Variants in PPP1R16B observed in about 807,000 individuals in gnomAD.
PPP1R16B encodes the protein protein phosphatase 1 regulatory inhibitor subunit 16B.
Under a neutral mutation model 61.7 loss-of-function variants are expected in PPP1R16B, and 14 were observed. That is an observed-to-expected ratio of 0.23 (90% CI 0.15 to 0.35). The LOEUF (loss-of-function observed/expected upper bound fraction) is 0.35. Ranked by LOEUF, PPP1R16B falls within the 10% of genes least tolerant of loss-of-function variation. The probability of loss-of-function intolerance (pLI) is 1.00; values close to 1 mark genes in which losing one functional copy is unlikely to be tolerated. For synonymous variants in PPP1R16B, 266 were observed against 305.3 expected (o/e 0.87, Z 1.34); for missense variants, 547 against 752.5 (o/e 0.73, Z 3.19).
intron 2 of PPP1R16B, among the ~76,000 whole-genome samples, chr20:38,848,049 C>T (rs986093846): frequency 3.3e-5 from 5 of 152,096 alleles, no homozygotes; most frequent in Non-Finnish European, 7.4e-5. Context: ...CACAGCCATG[C>T]CCATTCATTT....
At chr20:38,897,619 A>G (rs927635196) in intron 4 of PPP1R16B, among the ~76,000 whole-genome samples, 3 of 152,260 alleles carry the variant, frequency 2.0e-5, no homozygotes, top group Non-Finnish European at 2.9e-5. Context: ...TTATACACCC[A>G]GAAGTGGAGT....
At chr20:38,813,757 T>TCAC (rs1218195503) in intron 1 of PPP1R16B, among the ~76,000 whole-genome samples, 1 of 130,462 alleles carries the variant, frequency 7.7e-6, no homozygotes, top group Non-Finnish European at 1.6e-5. Flanking sequence ...GGTGACATCA[T>TCAC]CATCATCATC....
chr20:38,871,580 GGAAC>G (rs994983661), intron 2 of PPP1R16B, among the ~76,000 whole-genome samples: 1 of 137,444 alleles, frequency 7.3e-6, no homozygotes, highest in African/African-American at 2.7e-5. Context: ...AAGGAAGAGA[GGAAC>G]GAAGGGAGGG....
chr20:38,913,323 C>G (rs1179759456), intron 10 of PPP1R16B, among the ~76,000 whole-genome samples: 3 of 151,908 alleles, frequency 2.0e-5, no homozygotes, highest in Non-Finnish European at 2.9e-5. Context: ...AGTGCAGTGG[C>G]TCAATCTTGG....
chr20:38,902,242 C>G (rs2085400183), intron 5 of PPP1R16B, among the ~76,000 whole-genome samples: 1 of 152,182 alleles, frequency 6.6e-6, no homozygotes. Context: ...GTGCCAGGTG[C>G]TACAGACACA....
intron 2 of PPP1R16B, among the ~76,000 whole-genome samples, chr20:38,864,994 G>A (rs767827452): frequency 3.3e-5 from 5 of 152,200 alleles, no homozygotes; most frequent in Non-Finnish European, 7.3e-5. Context: ...GAATCATGCC[G>A]GTGGCCTCGG....
chr20:38,887,052 GGTGT>G (rs374859620), intron 2 of PPP1R16B, among the ~76,000 whole-genome samples: 3 of 150,506 alleles, frequency 2.0e-5, no homozygotes, highest in South Asian at 2.1e-4. Context: ...GTGGGGCAAA[GGTGT>G]GTGTGTGTGT....
intron 2 of PPP1R16B, among the ~76,000 whole-genome samples, chr20:38,847,011 A>G (rs934865507): frequency 1.3e-5 from 2 of 152,184 alleles, no homozygotes; most frequent in African/African-American, 4.8e-5. Context: ...CCAAAAAACT[A>G]AATAAATAAA....
At chr20:38,829,477 G>A (rs955717159) in intron 1 of PPP1R16B, among the ~76,000 whole-genome samples, 16 of 152,294 alleles carry the variant, frequency 1.1e-4, no homozygotes, top group Admixed American at 7.8e-4. Flanking sequence ...TGGATTTTCC[G>A]ATGCTGGGCT....
chr20:38,873,146 CA>C (rs1291213449), intron 2 of PPP1R16B: 1 of 152,372 alleles, frequency 6.6e-6, no homozygotes, highest in African/African-American at 2.4e-5. Context: ...GCTCCCAGAA[CA>C]AGAAACAGAC....
intron 6 of PPP1R16B, 128 bp from the exon 7 acceptor site, chr20:38,905,841 T>A (rs2085436342): frequency 1.0e-6 from 1 of 961,258 alleles, no homozygotes; most frequent in Admixed American, 2.7e-5. Context: ...GACTGGTATT[T>A]CCATTTCATT....
intron 6 of PPP1R16B, among the ~76,000 whole-genome samples, chr20:38,905,315 A>G (rs6015981): frequency 0.36 from 55,088 of 151,872 alleles, 10,510 homozygotes; most frequent in Middle Eastern, 0.52. Context: ...TGGTACTGGA[A>G]GATCCACTTC....
intron 4 of PPP1R16B, among the ~76,000 whole-genome samples, chr20:38,897,224 G>A (rs1347903376): frequency 1.3e-5 from 2 of 152,216 alleles, no homozygotes; most frequent in African/African-American, 4.8e-5. Context: ...CTACTCAGGT[G>A]GTGGAGGCAG....
At chr20:38,845,151 T>C (rs1236334282) in intron 2 of PPP1R16B, among the ~76,000 whole-genome samples, 2 of 152,170 alleles carry the variant, frequency 1.3e-5, no homozygotes, top group African/African-American at 4.8e-5. Flanking sequence ...GCCTTTGATG[T>C]AGTGCAAGTC....
At chr20:38,912,420 A>C (rs1249928575) in intron 10 of PPP1R16B, among the ~76,000 whole-genome samples, 1 of 151,478 alleles carries the variant, frequency 6.6e-6, no homozygotes, top group Non-Finnish European at 1.5e-5. Context: ...GTAATCCCAA[A>C]ACTGAGGGAG....
chr20:38,824,438 A>G (rs560839049), intron 1 of PPP1R16B, among the ~76,000 whole-genome samples: 1 of 152,316 alleles, frequency 6.6e-6, no homozygotes, highest in South Asian at 2.1e-4. Context: ...AGATCTGTTA[A>G]AGATGGTTAT....
chr20:38,871,951 C>A (rs1484646968), intron 2 of PPP1R16B, among the ~76,000 whole-genome samples: 1 of 152,156 alleles, frequency 6.6e-6, no homozygotes, highest in Admixed American at 6.5e-5. Context: ...AACATTATTT[C>A]AATATGTATT....
At chr20:38,895,479 T>C in intron 3 of PPP1R16B, 86 bp from the exon 4 acceptor site, 1 of 1,453,364 alleles carries the variant, frequency 6.9e-7, no homozygotes, top group Non-Finnish European at 9.4e-7. Context: ...CCTCATGGCC[T>C]CTTGCGGGGA....
intron 2 of PPP1R16B, among the ~76,000 whole-genome samples, chr20:38,845,588 T>A (rs1396322907): frequency 6.6e-6 from 1 of 152,190 alleles, no homozygotes. Context: ...TGATTTGGGC[T>A]CAGACCTGAA....
Sources: gnomAD v4.1 joint callset for allele counts (sites outside exome capture counted in the v4.1 genomes callset) on GRCh38, gnomAD v4.1.1 for gene constraint, MANE v1.5 for transcripts, NCBI Gene and HGNC (gene_info 2026-07-23, HGNC 2026-07-21) for gene names.